Variants in SLC4A1 observed in about 807,000 individuals in gnomAD.
SLC4A1 encodes solute carrier family 4 member 1 (Diego blood group).
A neutral mutation model predicts 93.1 loss-of-function variants in SLC4A1; 29 were observed. The observed-to-expected ratio is 0.31, with a 90% CI of 0.23 to 0.42. SLC4A1 has a LOEUF of 0.42. Ranked by LOEUF, SLC4A1 falls within the 20% of genes least tolerant of loss-of-function variation. The probability of loss-of-function intolerance (pLI) is 1.00; values close to 1 mark genes in which losing one functional copy is unlikely to be tolerated. For synonymous variants in SLC4A1, 469 were observed against 497.2 expected (o/e 0.94, Z 0.76); for missense variants, 965 against 1,190.1 (o/e 0.81, Z 2.78).
chr17:44,251,900 A>AT (rs113097171), intron 17 of SLC4A1, among the ~76,000 whole-genome samples: 1,970 of 135,186 alleles, frequency 0.015, 55 homozygotes, highest in African/African-American at 0.049. Flanking sequence ...CACCTGGATC[A>AT]TTTTTTTTTT....
chr17:44,267,696 C>T (rs2047505906), intron 1 of SLC4A1, among the ~76,000 whole-genome samples: 1 of 152,108 alleles, frequency 6.6e-6, no homozygotes, highest in African/African-American at 2.4e-5. Flanking sequence ...AGGGGGTGGT[C>T]TGAGGACCCC....
chr17:44,252,967 G>C (rs2047355659), intron 17 of SLC4A1, 151 bp downstream of exon 17: 2 of 889,538 alleles, frequency 2.2e-6, no homozygotes, highest in Admixed American at 2.0e-5. Context: ...GGATCCCCTC[G>C]TGTGAGTAGG....
At position 44,255,440 on chromosome 17, in the gene SLC4A1, T is replaced by C. The variant is rs45520231; in HGVS notation, c.1801-144A>G. The C allele has an allele frequency of 0.037, 28,390 of 757,246 alleles. 634 individuals are homozygous for C. Among genetic ancestry groups the C allele is most frequent in the Middle Eastern group, 0.05 (142 of 2,814 alleles). 46.9% of individuals were successfully genotyped at this position (757,246 alleles called of 1,614,324 possible). ...TGCCCTGTCCTGCACCTCAGCTATG[T>C]CTGCCTCCTTTCTTCTTCCCCCAGC... On this transcript the variant is annotated intron_variant, in intron 14 of 19. Transcript: ENST00000262418.
At chr17:44,255,611 G>C in intron 14 of SLC4A1, 62 bp downstream of exon 14, 17 of 1,522,056 alleles carry the variant, frequency 1.1e-5, no homozygotes, top group Non-Finnish European at 8.2e-6. Context: ...AATTTGGAGC[G>C]GGGGGGCTTT....
intron 15 of SLC4A1, 34 bp downstream of exon 15, chr17:44,255,173 G>T (rs45508401): frequency 9.7e-6 from 14 of 1,439,058 alleles, no homozygotes; most frequent in African/African-American, 4.2e-5. Context: ...GACCTGGGGG[G>T]TATCATGGTC....
chr17:44,263,695 TC>T (rs1236259311), intron 1 of SLC4A1, among the ~76,000 whole-genome samples: 26 of 94,718 alleles, frequency 2.7e-4, no homozygotes, highest in African/African-American at 1.0e-3. Flanking sequence ...CCTCCCTCCT[TC>T]CCTCCCTTCC....
At position 44,250,280 on chromosome 17, in the gene SLC4A1, G is replaced by A. The variant is rs774807597; in HGVS notation, c.*178C>T. 59 of 619,252 alleles carry A rather than the reference G, an allele frequency of 9.5e-5. No homozygotes were observed. The highest frequency in any genetic ancestry group is 1.6e-4 in the Non-Finnish European group (54 of 340,976). The allele number at this position is 619,252 out of a possible 1,614,324, so 38.4% of individuals were successfully genotyped here. On this transcript the variant is annotated 3_prime_UTR_variant, in exon 20 of 20. Coordinates refer to ENST00000262418, the MANE Select transcript of SLC4A1 (RefSeq NM_000342.4). ...CGGCCATCCCCAGCCAGAAAAGCCA[G>A]GCTACCCTTTGTGGAAGGTCTCCTG...
rs1387870643 is a variant in SLC4A1 at position 44,249,407 on chromosome 17, G to C, written c.*1051C>G. ...GTTGTGTGTGAAGCCAAACTATGTT[G>C]AAAACTCTTAGAAAATACGCAATTA... On this transcript the variant is annotated 3_prime_UTR_variant, in exon 20 of 20. Transcript: ENST00000262418. The C allele has an allele frequency of 2.1e-5, 6 of 283,482 alleles. No individual in the cohort carries two copies. Among genetic ancestry groups the C allele is most frequent in the Non-Finnish European group, 4.1e-5 (6 of 145,038 alleles). The allele number at this position is 283,482 out of a possible 1,614,324, so 17.6% of individuals were successfully genotyped here.
At chr17:44,267,104 G>A (rs1598305877) in intron 1 of SLC4A1, among the ~76,000 whole-genome samples, 1 of 152,172 alleles carries the variant, frequency 6.6e-6, no homozygotes, top group Non-Finnish European at 1.5e-5. Context: ...CAGCAGGTAG[G>A]TATCAGAGCC....
Position 44,257,813 on chromosome 17 carries a change from G to T in SLC4A1, c.1283-6C>A, listed in dbSNP as rs773140624. On this transcript the variant is annotated splice_polypyrimidine_tract_variant and splice_region_variant and intron_variant, in intron 11 of 19. Transcript: ENST00000262418. ...CTGGTTCCGGGTCTTTTCTCCTGTGGGTAGAGGTCACAGTGGGATCAAGGT... is the reference window on the plus strand; with the variant it reads ...CTGGTTCCGGGTCTTTTCTCCTGTGTGTAGAGGTCACAGTGGGATCAAGGT... 1 of 1,613,536 alleles carries T rather than the reference G, an allele frequency of 6.2e-7. No homozygotes were observed. The highest frequency in any genetic ancestry group is 1.1e-5 in the South Asian group (1 of 91,058).
In SLC4A1 at chr17:44,261,612, G is replaced by T. The variant is rs756472075; in HGVS notation, c.131C>A (p.Thr44Lys). Residue 44 changes from threonine (T) to lysine (K), a missense_variant, in exon 4 of 20, where the codon ACA (threonine) becomes AAA (lysine). This residue lies in a region of SLC4A1 where 195 missense variants were observed against 183.5 expected (regional missense o/e 1.06). Coordinates refer to ENST00000262418, the MANE Select transcript of SLC4A1 (RefSeq NM_000342.4). The stretch of plus-strand genomic sequence containing the variant: ...CGGGTGTGATGTGGTGTGGTAGTCT[G>T]TGGCTGTTGCCTCGGTGTCGTGAGC... ...PAAHDTEATA[T>K]DYHTTSHPGT... The T allele has an allele frequency of 1.2e-6, 2 of 1,614,196 alleles. No individual in the cohort carries two copies. Among genetic ancestry groups the T allele is most frequent in the East Asian group, 2.2e-5 (1 of 44,890 alleles).
At chr17:44,262,537 G>T in intron 3 of SLC4A1, 99 bp downstream of exon 3, 2 of 854,180 alleles carry the variant, frequency 2.3e-6, no homozygotes, top group South Asian at 1.5e-5. Context: ...CGTGGTGCTT[G>T]GGAGGAGGAC....
chr17:44,266,746 C>A (rs1266810468), intron 1 of SLC4A1, among the ~76,000 whole-genome samples: 1 of 152,202 alleles, frequency 6.6e-6, no homozygotes, highest in Non-Finnish European at 1.5e-5. Flanking sequence ...CAGATCGCTG[C>A]CCCAAGTTTT....
In SLC4A1 at chr17:44,248,849, G is replaced by GTTTTTTTTTT. The variant is rs57466226; in HGVS notation, c.*1599_*1608dup. On this transcript the variant is annotated 3_prime_UTR_variant, in exon 20 of 20. Coordinates refer to ENST00000262418, the MANE Select transcript of SLC4A1 (RefSeq NM_000342.4). ...GCCCCCAAGGCTGATGTTTCCTTCC[G>GTTTTTTTTTT]TTTTTTTTTTTTTTTTTTTTTTTTT... 8 of 71,768 alleles carry GTTTTTTTTTT rather than the reference G, an allele frequency of 1.1e-4. 2 individuals carry two copies. Among genetic ancestry groups the GTTTTTTTTTT allele is most frequent in the Non-Finnish European group, 1.2e-4 (5 of 42,542 alleles). 4.4% of individuals were successfully genotyped at this position (71,768 alleles called of 1,614,324 possible).
chr17:44,259,367 G>A (rs2047420814), intron 8 of SLC4A1, 23 bp from the exon 9 acceptor site: 2 of 1,612,902 alleles, frequency 1.2e-6, no homozygotes, highest in Admixed American at 1.7e-5. Context: ...GAGAAGATCA[G>A]GCCAGGCCGA....
Position 44,248,849 on chromosome 17 carries a change from G to GGTTT in SLC4A1, c.*1608_*1609insAAAC. On this transcript the variant is annotated 3_prime_UTR_variant, in exon 20 of 20. Coordinates refer to ENST00000262418, the MANE Select transcript of SLC4A1 (RefSeq NM_000342.4). ...GCCCCCAAGGCTGATGTTTCCTTCC[G>GGTTT]TTTTTTTTTTTTTTTTTTTTTTTTT... is the stretch of plus-strand genomic sequence containing the variant. The GGTTT allele has an allele frequency of 1.4e-5, 1 of 71,030 alleles. No individual in the cohort carries two copies. Among genetic ancestry groups the GGTTT allele is most frequent in the East Asian group, 6.6e-4 (1 of 1,518 alleles). The allele number at this position is 71,030 out of a possible 1,614,324, so 4.4% of individuals were successfully genotyped here. A position where few individuals can be genotyped will look rare whatever the true frequency, so the allele number is the denominator to read the frequency against.
Position 44,251,210 on chromosome 17 carries a change from C to A in SLC4A1, c.2604G>T (p.Pro868=). Reference sequence around the variant, plus strand: ...TGAGCGGCAGCAGGACGCGCCGCAGCGGCACAGTGAGGATGAGGACGAAGG... The same window carrying A: ...TGAGCGGCAGCAGGACGCGCCGCAGAGGCACAGTGAGGATGAGGACGAAGG... ...ALPFVLILTV[P]LRRVLLPLIF... is the part of the protein sequence containing the mutation. The change falls in exon 19 of 20, where the codon CCG becomes CCT. Residue 868 remains proline, a synonymous_variant. Coordinates refer to ENST00000262418, the MANE Select transcript of SLC4A1 (RefSeq NM_000342.4). The A allele has an allele frequency of 6.2e-7, 1 of 1,613,608 alleles. No individual in the cohort carries two copies. The highest frequency in any genetic ancestry group is 1.1e-5 in the South Asian group (1 of 90,982).
intron 15 of SLC4A1, 37 bp from the exon 16 acceptor site, chr17:44,254,699 A>T (rs918268309): frequency 1.2e-6 from 2 of 1,606,172 alleles, no homozygotes; most frequent in Non-Finnish European, 8.5e-7. Flanking sequence ...TGCCAAGGGC[A>T]GGAGGATGGG....
chr17:44,257,104 G>T (rs2047396114), intron 13 of SLC4A1, among the ~76,000 whole-genome samples: 2 of 151,458 alleles, frequency 1.3e-5, no homozygotes, highest in South Asian at 4.2e-4. Flanking sequence ...CAGTTCTCCT[G>T]CCTCAGCCTC....
Sources: gnomAD v4.1 joint callset for allele counts (sites outside exome capture counted in the v4.1 genomes callset) on GRCh38, gnomAD v4.1.1 for gene constraint, gnomAD v4.1.1 regional missense constraint, MANE v1.5 for transcripts, NCBI Gene and HGNC (gene_info 2026-07-23, HGNC 2026-07-21) for gene names.